The following RAB31 variants were observed in gnomAD, a reference collection of about 807,000 sequenced individuals.
RAB31 encodes the protein RAB31, member RAS oncogene family.
Under a neutral mutation model 25.6 loss-of-function variants are expected in RAB31, and 21 were observed. The ratio of observed to expected loss-of-function variants is 0.82; its 90% confidence interval spans 0.58 to 1.18. The LOEUF (loss-of-function observed/expected upper bound fraction) is 1.18, where lower values mean the gene tolerates loss of function less well. RAB31 is among the 50% of genes most tolerant of loss of function. The probability of loss-of-function intolerance (pLI) is 0.00; values close to 1 mark genes in which losing one functional copy is unlikely to be tolerated. For synonymous variants in RAB31, 87 were observed against 84.0 expected, an observed-to-expected ratio of 1.04 and a Z score of -0.20; for missense variants, 196 against 250.1, an observed-to-expected ratio of 0.78 and a Z score of 1.46.
Position 9,708,609 on chromosome 18 carries a change from CT to C in RAB31, c.39+166del, listed in dbSNP as rs1156470886. On this transcript the variant is annotated intron_variant, in intron 1 of 6. Transcript: ENST00000578921. The surrounding 1 kb of genome is among the most constrained non-coding windows in gnomAD (Gnocchi z 6.4). ...GCGCCCCCTGGTTCCCCGGGTCCCCCTGGCTCCCCTAGTCCGTGCGCCCCTC... is the reference window on the plus strand; with the variant it reads ...GCGCCCCCTGGTTCCCCGGGTCCCCCGGCTCCCCTAGTCCGTGCGCCCCTC... Among the ~76,000 whole-genome samples, 46 of 150,372 alleles carry C rather than the reference CT, an allele frequency of 3.1e-4. No individual in the cohort carries two copies. Among genetic ancestry groups the C allele is most frequent in the African/African-American group, 9.5e-4 (39 of 40,940 alleles).
At chr18:9,752,186 T>A (rs2068238534) in intron 1 of RAB31, among the ~76,000 whole-genome samples, 2 of 152,194 alleles carry the variant, frequency 1.3e-5, no homozygotes, top group Non-Finnish European at 2.9e-5. Context: ...TTGCATTGAC[T>A]GATTACATGT....
intron 1 of RAB31, among the ~76,000 whole-genome samples, chr18:9,771,758 C>T (rs1294917695): frequency 6.6e-6 from 1 of 152,170 alleles, no homozygotes; most frequent in Non-Finnish European, 1.5e-5. Context: ...AGAGAGGATT[C>T]GATGGTGGTG....
At position 9,859,326 on chromosome 18, in the gene RAB31, C is replaced by A. The variant is rs758322364; in HGVS notation, c.*1C>A. 3.7e-6 allele frequency: 6 copies of A among 1,608,884 alleles called. No homozygotes were observed. In the South Asian group the frequency reaches 6.6e-5, roughly 18 times the overall value. On this transcript the variant is annotated 3_prime_UTR_variant, in exon 7 of 7. Coordinates refer to ENST00000578921, the MANE Select transcript of RAB31 (RefSeq NM_006868.4). ...GCAAGCCAGCCGCCGGTGCTGTTGACCCAAGGGCCGTGGTCCACGGTACTT... is the reference window on the plus strand; with the variant it reads ...GCAAGCCAGCCGCCGGTGCTGTTGAACCAAGGGCCGTGGTCCACGGTACTT...
At chr18:9,814,974 C>T in intron 4 of RAB31, 142 bp from the exon 5 acceptor site, 1 of 572,064 alleles carries the variant, frequency 1.7e-6, no homozygotes, top group Non-Finnish European at 3.0e-6. Context: ...ACTTTTGTGC[C>T]TAGACAGAGG....
At chr18:9,748,922 A>T (rs962150605) in intron 1 of RAB31, among the ~76,000 whole-genome samples, 3 of 152,046 alleles carry the variant, frequency 2.0e-5, no homozygotes, top group Admixed American at 6.6e-5. Context: ...TAAATATAAG[A>T]AATGTATAGA....
chr18:9,760,943 A>G (rs1432564011), intron 1 of RAB31, among the ~76,000 whole-genome samples: 1 of 152,120 alleles, frequency 6.6e-6, no homozygotes, highest in African/African-American at 2.4e-5. Context: ...TGGCTACTCA[A>G]AGCAACTCTG....
At chr18:9,754,721 T>C (rs552376988) in intron 1 of RAB31, among the ~76,000 whole-genome samples, 2 of 152,354 alleles carry the variant, frequency 1.3e-5, no homozygotes, top group East Asian at 3.9e-4. Flanking sequence ...ATGCAAATAC[T>C]ATAACATTTT....
At chr18:9,798,778 G>A (rs1339235288) in intron 3 of RAB31, among the ~76,000 whole-genome samples, 3 of 104,102 alleles carry the variant, frequency 2.9e-5, no homozygotes, top group African/African-American at 9.6e-5. Flanking sequence ...GCCACCATGC[G>A]CAGCTAATTT....
intron 5 of RAB31, among the ~76,000 whole-genome samples, chr18:9,820,443 G>A (rs1000261510): frequency 6.6e-6 from 1 of 151,978 alleles, no homozygotes; most frequent in African/African-American, 2.4e-5. Flanking sequence ...ATTCATAAAG[G>A]GTTTTAGTCT....
chr18:9,748,680 C>G (rs1011801696), intron 1 of RAB31, among the ~76,000 whole-genome samples: 1 of 151,998 alleles, frequency 6.6e-6, no homozygotes, highest in South Asian at 2.1e-4. Context: ...ATCACGAGCT[C>G]AGGAGTTCGA....
chr18:9,857,036 TGG>T (rs1410712041), intron 6 of RAB31, among the ~76,000 whole-genome samples: 1 of 152,232 alleles, frequency 6.6e-6, no homozygotes. Flanking sequence ...TTCATACTTA[TGG>T]TCTCCTTTCC....
At chr18:9,818,597 T>C (rs1243487797) in intron 5 of RAB31, among the ~76,000 whole-genome samples, 1 of 152,226 alleles carries the variant, frequency 6.6e-6, no homozygotes, top group African/African-American at 2.4e-5. Flanking sequence ...ACATTAACAT[T>C]TGAATTATTT....
intron 1 of RAB31, among the ~76,000 whole-genome samples, chr18:9,709,545 C>CGTCTCTAGGCT: frequency 6.6e-6 from 1 of 152,322 alleles, no homozygotes; most frequent in East Asian, 1.9e-4. Flanking sequence ...ATTGTGCCAG[C>CGTCTCTAGGCT]GTCTCTAGGC....
At chr18:9,736,641 G>A in intron 1 of RAB31, among the ~76,000 whole-genome samples, 1 of 152,202 alleles carries the variant, frequency 6.6e-6, no homozygotes, top group East Asian at 1.9e-4. Context: ...TGCTCAGTGT[G>A]TAATATCCCA....
intron 3 of RAB31, among the ~76,000 whole-genome samples, chr18:9,798,580 A>G (rs12604091): frequency 6.6e-6 from 1 of 151,946 alleles, no homozygotes; most frequent in African/African-American, 2.4e-5. Flanking sequence ...TTATGATTTG[A>G]CAATATAAAG....
intron 1 of RAB31, among the ~76,000 whole-genome samples, chr18:9,749,913 A>C (rs958679695): frequency 6.6e-6 from 1 of 152,194 alleles, no homozygotes; most frequent in African/African-American, 2.4e-5. Flanking sequence ...AGGTCCCAGC[A>C]TGAAAGCAGG....
chr18:9,811,401 G>A (rs1477589430), intron 3 of RAB31, among the ~76,000 whole-genome samples: 1 of 152,200 alleles, frequency 6.6e-6, no homozygotes, highest in Non-Finnish European at 1.5e-5. Context: ...TGGGGACTCA[G>A]ATTTCCAAAT....
chr18:9,829,822 T>G (rs1455717414), intron 5 of RAB31, among the ~76,000 whole-genome samples: 3 of 152,178 alleles, frequency 2.0e-5, no homozygotes, highest in Non-Finnish European at 2.9e-5. Flanking sequence ...TTCTGTGAAG[T>G]GCCTGTTCAA....
chr18:9,842,162 TCA>T (rs2068737719), intron 5 of RAB31, among the ~76,000 whole-genome samples: 1 of 152,198 alleles, frequency 6.6e-6, no homozygotes, highest in Admixed American at 6.5e-5. Context: ...ACCAGTGTGC[TCA>T]GCAGCCCGGA....
Sources: gnomAD v4.1 joint callset for allele counts (sites outside exome capture counted in the v4.1 genomes callset) on GRCh38, gnomAD v4.1.1 for gene constraint, Gnocchi (gnomAD v3.1) non-coding constraint, MANE v1.5 for transcripts, NCBI Gene and HGNC (gene_info 2026-07-23, HGNC 2026-07-21) for gene names.